The following HTR1F variants were observed in gnomAD, a reference collection of about 807,000 sequenced individuals.
HTR1F encodes 5-hydroxytryptamine receptor 1F, also known as 5-hydroxytryptamine (serotonin) receptor 1F, G protein-coupled.
In HTR1F, 17 loss-of-function variants were observed where a neutral mutation model predicts 24.0. That is an observed-to-expected ratio of 0.71 (90% confidence interval 0.48 to 1.06). The LOEUF (loss-of-function observed/expected upper bound fraction) is 1.06, where lower values mean the gene tolerates loss of function less well. Ranked by LOEUF, HTR1F falls within the 50% of genes least tolerant of loss-of-function variation. The pLI, the probability that HTR1F is intolerant of heterozygous loss-of-function variation, is 0.00. For synonymous variants in HTR1F, 186 were observed against 156.8 expected, an observed-to-expected ratio of 1.19 and a Z score of -1.39; for missense variants, 391 against 427.8, an observed-to-expected ratio of 0.91 and a Z score of 0.76.
At chr3:87,922,927 C>T (rs1403648426) in intron 2 of HTR1F, among the ~76,000 whole-genome samples, 1 of 150,374 alleles carries the variant, frequency 6.7e-6, no homozygotes, top group Non-Finnish European at 1.5e-5. Flanking sequence ...GTCTTCAACC[C>T]ATTTCGAGTT....
chr3:87,831,309 G>T (rs1488941825), intron 2 of HTR1F, among the ~76,000 whole-genome samples: 3 of 149,266 alleles, frequency 2.0e-5, no homozygotes, highest in Non-Finnish European at 4.4e-5. Flanking sequence ...TAGGGTCTTT[G>T]TACTTTAAAA....
At chr3:87,850,834 G>A (rs923237388) in intron 2 of HTR1F, among the ~76,000 whole-genome samples, 49 of 150,894 alleles carry the variant, frequency 3.2e-4, no homozygotes, top group Admixed American at 7.9e-4. Context: ...AAAACCTAGG[G>A]AAAGTTTACC....
chr3:87,980,541 C>G (rs995948650), intron 2 of HTR1F, among the ~76,000 whole-genome samples: 1 of 152,192 alleles, frequency 6.6e-6, no homozygotes, highest in African/African-American at 2.4e-5. Flanking sequence ...GGCTATGGAA[C>G]AGGCAGCCCA....
intron 2 of HTR1F, among the ~76,000 whole-genome samples, chr3:87,842,331 T>G (rs137969227): frequency 0.011 from 1,648 of 151,690 alleles, 59 homozygotes; most frequent in African/African-American, 0.037. Flanking sequence ...CGGCTAATTT[T>G]TTTTGTATTT....
chr3:87,903,724 T>G (rs1013496720), intron 2 of HTR1F, among the ~76,000 whole-genome samples: 2 of 152,140 alleles, frequency 1.3e-5, no homozygotes, highest in Non-Finnish European at 2.9e-5. Flanking sequence ...TGGTGATTCC[T>G]CAGGGATCTA....
At chr3:87,911,842 G>A (rs191754299) in intron 2 of HTR1F, among the ~76,000 whole-genome samples, 100 of 152,144 alleles carry the variant, frequency 6.6e-4, no homozygotes, top group Admixed American at 2.2e-3. Context: ...TAGATGCAGA[G>A]AAGGCTTTCA....
At chr3:87,911,136 A>G (rs1185663912) in intron 2 of HTR1F, among the ~76,000 whole-genome samples, 1 of 152,092 alleles carries the variant, frequency 6.6e-6, no homozygotes, top group Non-Finnish European at 1.5e-5. Context: ...TAATCGAAAG[A>G]GATCAAGACA....
intron 2 of HTR1F, among the ~76,000 whole-genome samples, chr3:87,829,615 T>C: frequency 6.6e-6 from 1 of 152,218 alleles, no homozygotes; most frequent in East Asian, 1.9e-4. Context: ...GCTTTTCATC[T>C]ATGTTTGCAC....
intron 2 of HTR1F, among the ~76,000 whole-genome samples, chr3:87,869,145 TACA>T (rs1425375547): frequency 1.3e-5 from 2 of 152,026 alleles, no homozygotes; most frequent in South Asian, 2.1e-4. Context: ...TTTTTCTGCA[TACA>T]ACAACAAACA....
At chr3:87,951,525 A>G (rs1410470497) in intron 2 of HTR1F, among the ~76,000 whole-genome samples, 2 of 152,148 alleles carry the variant, frequency 1.3e-5, no homozygotes. Context: ...TTAGATTCAC[A>G]GAAAAATTGA....
chr3:87,846,025 T>G (rs1464585234), intron 2 of HTR1F, among the ~76,000 whole-genome samples: 1 of 151,962 alleles, frequency 6.6e-6, no homozygotes, highest in East Asian at 1.9e-4. Flanking sequence ...GCTAGCCATC[T>G]TCTAGGGCTA....
At chr3:87,983,559 C>T (rs1024364916) in intron 2 of HTR1F, among the ~76,000 whole-genome samples, 2 of 152,162 alleles carry the variant, frequency 1.3e-5, no homozygotes, top group African/African-American at 4.8e-5. Flanking sequence ...TGAACCTCAT[C>T]AGGACCTCAA....
intron 2 of HTR1F, among the ~76,000 whole-genome samples, chr3:87,951,291 T>C (rs367773261): frequency 6.6e-6 from 1 of 152,186 alleles, no homozygotes. Context: ...TAGTTATATA[T>C]TAAAGTTTAC....
At chr3:87,895,922 GAGTA>G (rs1706188368) in intron 2 of HTR1F, among the ~76,000 whole-genome samples, 1 of 152,184 alleles carries the variant, frequency 6.6e-6, no homozygotes, top group Non-Finnish European at 1.5e-5. Context: ...GTGGTGTGAT[GAGTA>G]AGTGATTTAT....
chr3:87,876,232 TC>T (rs2107268867), intron 2 of HTR1F, among the ~76,000 whole-genome samples: 1 of 152,258 alleles, frequency 6.6e-6, no homozygotes, highest in Non-Finnish European at 1.5e-5. Context: ...TACCACATGA[TC>T]CAGCAATACC....
chr3:87,892,887 C>G (rs1388430748), intron 2 of HTR1F, among the ~76,000 whole-genome samples: 3 of 151,970 alleles, frequency 2.0e-5, no homozygotes, highest in Non-Finnish European at 4.4e-5. Context: ...TTGCTACCAT[C>G]ATCTGTCAGG....
chr3:87,806,432 A>G (rs1047826084), intron 1 of HTR1F, among the ~76,000 whole-genome samples: 1 of 152,038 alleles, frequency 6.6e-6, no homozygotes, highest in African/African-American at 2.4e-5. Context: ...TAGCCATTTT[A>G]ACTGGGGTAA....
intron 2 of HTR1F, among the ~76,000 whole-genome samples, chr3:87,879,327 T>G (rs1274637278): frequency 3.3e-5 from 5 of 152,246 alleles, no homozygotes; most frequent in Non-Finnish European, 5.9e-5. Flanking sequence ...TTCTTATTTT[T>G]GCTTGTACAA....
chr3:87,966,366 A>G (rs1218883035), intron 2 of HTR1F, among the ~76,000 whole-genome samples: 3 of 152,226 alleles, frequency 2.0e-5, no homozygotes. Flanking sequence ...GCAGAAAGAT[A>G]TCAGAACTGT....
Sources: allele counts gnomAD v4.1 joint callset (sites outside exome capture counted in the v4.1 genomes callset), GRCh38; gene constraint gnomAD v4.1.1; transcripts MANE v1.5; gene names NCBI Gene and HGNC (gene_info 2026-07-23, HGNC 2026-07-21).